Variants in TLR7 observed in about 807,000 individuals in gnomAD.
TLR7 encodes the protein toll-like receptor 7.
In TLR7, 12 loss-of-function variants were observed where a neutral mutation model predicts 38.3. The ratio of observed to expected loss-of-function variants is 0.31; its 90% CI spans 0.20 to 0.51. TLR7 has a LOEUF of 0.51. Among genes scored for constraint, TLR7 ranks in the 20% least tolerant of loss-of-function variants. The pLI is 0.98. For synonymous variants in TLR7, 285 were observed against 293.8 expected (o/e 0.97, Z 0.31); for missense variants, 504 against 743.4 (o/e 0.68, Z 3.74).
Position 12,867,551 on chromosome X carries a change from T to C in TLR7, c.-28T>C. ...GCTCTGCTCTCTTCAACCAGACCTC[T>C]ACATTCCATTTTGGAAGAAGACTAA... On this transcript the variant is annotated 5_prime_UTR_variant, in exon 2 of 3. Transcript: ENST00000380659. 1 of 1,207,440 alleles carries C rather than the reference T, an allele frequency of 8.3e-7. No individual in the cohort carries two copies. The highest frequency in any genetic ancestry group is 1.1e-6 in the Non-Finnish European group (1 of 891,699).
In TLR7 at chrX:12,886,499, G is replaced by T. The variant is rs1294110815; in HGVS notation, c.991G>T (p.Gly331Trp). ...LSQNFLAKEI[G>W]DAKFLHFLPS... ...CCAAAACTTCTTGGCCAAAGAAATT[G>T]GGGATGCTAAATTTCTGCATTTTCT... The change falls in exon 3 of 3, where the codon GGG (glycine) becomes TGG (tryptophan). Residue 331 changes from glycine (G) to tryptophan (W), a missense_variant. By Grantham distance (184) the Gly-to-Trp change is radical (BLOSUM62 -2). Transcript: ENST00000380659. 8.3e-7 allele frequency: 1 copy of T among 1,211,794 alleles called. No individual in the cohort carries two copies. Among genetic ancestry groups the T allele is most frequent in the Non-Finnish European group, 1.1e-6 (1 of 895,518 alleles).
intron 2 of TLR7, among the ~76,000 whole-genome samples, chrX:12,868,566 C>T (rs980893241): frequency 9.0e-6 from 1 of 111,661 alleles, no homozygotes; most frequent in African/African-American, 3.3e-5. Flanking sequence ...ATGAAATAGG[C>T]ATTAGAATCC....
chrX:12,870,031 T>A (rs2042847147), intron 2 of TLR7, among the ~76,000 whole-genome samples: 1 of 110,354 alleles, frequency 9.1e-6, no homozygotes, highest in Non-Finnish European at 1.9e-5. Context: ...ATTCCTCATG[T>A]TTTTACTGCA....
intron 2 of TLR7, 134 bp from the exon 3 acceptor site, chrX:12,885,378 G>C: frequency 3.4e-6 from 2 of 588,429 alleles, no homozygotes; most frequent in South Asian, 6.3e-5. Flanking sequence ...TGGGGATGCT[G>C]TTTAGACAGC....
intron 2 of TLR7, among the ~76,000 whole-genome samples, chrX:12,881,852 C>T (rs2147244142): frequency 8.9e-6 from 1 of 112,024 alleles, no homozygotes; most frequent in East Asian, 2.8e-4. Context: ...ATGGAAAACA[C>T]TTAAAATGAT....
intron 2 of TLR7, among the ~76,000 whole-genome samples, chrX:12,882,649 CAA>C (rs1462438410): frequency 6.3e-5 from 7 of 111,807 alleles, no homozygotes; most frequent in African/African-American, 2.3e-4. Flanking sequence ...ACAAATCAGG[CAA>C]AGCTTCTTGT....
chrX:12,871,120 T>C (rs2042851055), intron 2 of TLR7, among the ~76,000 whole-genome samples: 1 of 111,934 alleles, frequency 8.9e-6, no homozygotes, highest in African/African-American at 3.2e-5. Context: ...AACTCTCTCC[T>C]TTTTTTAAAA....
intron 2 of TLR7, among the ~76,000 whole-genome samples, chrX:12,868,232 C>T (rs2042840495): frequency 8.9e-6 from 1 of 111,757 alleles, no homozygotes; most frequent in African/African-American, 3.3e-5. Context: ...CTGGCTAAAC[C>T]GACCTGACAG....
At position 12,886,030 on chromosome X, in the gene TLR7, A is replaced by G. The variant is rs1383034148; in HGVS notation, c.522A>G (p.Ile174Met). 2 of 1,210,332 alleles carry G rather than the reference A, an allele frequency of 1.7e-6. No individual in the cohort carries two copies. Among genetic ancestry groups the G allele is most frequent in the African/African-American group, 3.5e-5 (2 of 57,294 alleles). The change falls in exon 3 of 3, where the codon ATA (isoleucine) becomes ATG (methionine). Residue 174 changes from isoleucine to methionine, a missense_variant. Ile to Met is a conservative substitution (Grantham distance 10, BLOSUM62 1). Coordinates refer to ENST00000380659, the MANE Select transcript of TLR7 (RefSeq NM_016562.4). ...RKENLTELAN[I>M]EILYLGQNCY... is the part of the protein sequence containing the mutation. Reference sequence around the variant, plus strand: ...AGAATCTAACAGAACTGGCCAACATAGAAATACTCTACCTGGGCCAAAACT... The same window carrying G: ...AGAATCTAACAGAACTGGCCAACATGGAAATACTCTACCTGGGCCAAAACT...
chrX:12,871,020 T>C (rs778049780), intron 2 of TLR7, among the ~76,000 whole-genome samples: 4 of 111,989 alleles, frequency 3.6e-5, no homozygotes, highest in Non-Finnish European at 7.5e-5. Flanking sequence ...GCTGTTGAGT[T>C]CCTAATTTAT....
chrX:12,886,967 G>A lies in TLR7; in HGVS notation c.1459G>A (p.Val487Ile), dbSNP rs779625351. ...FKNKEASFMS[V>I]NESCYKYGQT... is the part of the protein sequence containing the mutation. Reference sequence around the variant, plus strand: ...AAACAAAGAGGCTTCTTTCATGTCTGTTAATGAAAGCTGCTACAAGTATGG... The same window carrying A: ...AAACAAAGAGGCTTCTTTCATGTCTATTAATGAAAGCTGCTACAAGTATGG... Residue 487 changes from valine to isoleucine, a missense_variant, in exon 3 of 3, where the codon GTT becomes ATT. Coordinates refer to ENST00000380659, the MANE Select transcript of TLR7 (RefSeq NM_016562.4). 1 of 1,211,441 alleles carries A rather than the reference G, an allele frequency of 8.3e-7. No homozygotes were observed. The highest frequency in any genetic ancestry group is 1.8e-5 in the South Asian group (1 of 56,864).
rs773060173 is a variant in TLR7 at position 12,886,291 on chromosome X, T to G, written c.783T>G (p.Pro261=). The change falls in exon 3 of 3, where the codon CCT becomes CCG. Residue 261 remains proline, a synonymous_variant. Coordinates refer to ENST00000380659, the MANE Select transcript of TLR7 (RefSeq NM_016562.4). ...LQILDLSGNC[P]RCYNAPFPCA... ...TTCTTGACCTAAGTGGAAATTGCCC[T>G]CGTTGTTATAATGCCCCATTTCCTT... is the stretch of plus-strand genomic sequence containing the variant. 5 of 1,211,539 alleles carry G rather than the reference T, an allele frequency of 4.1e-6. No individual in the cohort carries two copies. Among genetic ancestry groups the G allele is most frequent in the Non-Finnish European group, 5.6e-6 (5 of 895,120 alleles).
intron 2 of TLR7, among the ~76,000 whole-genome samples, chrX:12,884,891 A>G (rs144615532): frequency 7.8e-4 from 88 of 113,071 alleles, no homozygotes; most frequent in African/African-American, 2.7e-3. Flanking sequence ...CTTTGCAAAA[A>G]CAATCCAAGA....
chrX:12,873,419 A>G (rs1450692568), intron 2 of TLR7, among the ~76,000 whole-genome samples: 4 of 112,182 alleles, frequency 3.6e-5, no homozygotes, highest in South Asian at 3.7e-4. Flanking sequence ...AATCTTTTCT[A>G]TTTTGTCCAC....
At chrX:12,878,594 G>A (rs1184066053) in intron 2 of TLR7, among the ~76,000 whole-genome samples, 1 of 111,910 alleles carries the variant, frequency 8.9e-6, no homozygotes, top group African/African-American at 3.3e-5. Flanking sequence ...GTGGCTTTTT[G>A]AGCTCTTGAA....
At chrX:12,878,842 C>CTT (rs2042882012) in intron 2 of TLR7, among the ~76,000 whole-genome samples, 1 of 111,812 alleles carries the variant, frequency 8.9e-6, no homozygotes, top group Non-Finnish European at 1.9e-5. Flanking sequence ...CTAGAAAATG[C>CTT]TTAATGGGAA....
At chrX:12,870,690 G>A (rs781413301) in intron 2 of TLR7, among the ~76,000 whole-genome samples, 2 of 111,908 alleles carry the variant, frequency 1.8e-5, no homozygotes, top group Admixed American at 1.9e-4. Context: ...TTAAAAGACT[G>A]AAAAATATCA....
chrX:12,881,431 TTTATTCTTTTTAATAAATGAG>T (rs1274300074), intron 2 of TLR7, among the ~76,000 whole-genome samples: 2 of 107,165 alleles, frequency 1.9e-5, no homozygotes, highest in South Asian at 4.0e-4. Context: ...AAATGAGTCA[TTTATTCTTTTTAATAAATGAG>T]TTATTCTTTT....
chrX:12,881,434 ATTC>A (rs2042891180), intron 2 of TLR7, among the ~76,000 whole-genome samples: 1 of 107,413 alleles, frequency 9.3e-6, no homozygotes, highest in Non-Finnish European at 1.9e-5. Flanking sequence ...TGAGTCATTT[ATTC>A]TTTTTAATAA....
Sources: gnomAD v4.1 joint callset for allele counts (sites outside exome capture counted in the v4.1 genomes callset) on GRCh38, gnomAD v4.1.1 for gene constraint, MANE v1.5 for transcripts, NCBI Gene and HGNC (gene_info 2026-07-23, HGNC 2026-07-21) for gene names.